The following ABI1 variants were observed in gnomAD, a reference collection of about 807,000 sequenced individuals.
ABI1 encodes the protein abl interactor 1.
In ABI1, 14 loss-of-function variants were observed where a neutral mutation model predicts 54.6. The observed-to-expected ratio is 0.26, with a 90% CI of 0.17 to 0.40. The LOEUF (loss-of-function observed/expected upper bound fraction) is 0.40. Ranked by LOEUF, ABI1 falls within the 10% of genes least tolerant of loss-of-function variation. The pLI is 1.00. For synonymous variants in ABI1, 194 were observed against 209.3 expected, an observed-to-expected ratio of 0.93 and a Z score of 0.63; for missense variants, 443 against 598.3, an observed-to-expected ratio of 0.74 and a Z score of 2.71.
At chr10:26,842,395 GTTTCC>G (rs1239565650) in intron 1 of ABI1, among the ~76,000 whole-genome samples, 2 of 152,102 alleles carry the variant, frequency 1.3e-5, no homozygotes, top group African/African-American at 4.8e-5. Context: ...TTTGTTGATT[GTTTCC>G]TTTGTTTTGA....
intron 10 of ABI1, among the ~76,000 whole-genome samples, chr10:26,750,818 T>C (rs1482734233): frequency 6.6e-6 from 1 of 152,234 alleles, no homozygotes; most frequent in Non-Finnish European, 1.5e-5. Context: ...TCCCCACCTA[T>C]ATTTCTTAAT....
intron 7 of ABI1, among the ~76,000 whole-genome samples, chr10:26,763,673 T>C (rs760750060): frequency 2.6e-5 from 4 of 152,210 alleles, no homozygotes; most frequent in Non-Finnish European, 4.4e-5. Context: ...GCATTTCATA[T>C]TATAGAAAAA....
At chr10:26,776,041 G>T (rs1267366745) in intron 3 of ABI1, among the ~76,000 whole-genome samples, 1 of 152,148 alleles carries the variant, frequency 6.6e-6, no homozygotes, top group Admixed American at 6.5e-5. Flanking sequence ...CTGAATTTCA[G>T]CTCTTATACA....
intron 1 of ABI1, among the ~76,000 whole-genome samples, chr10:26,848,657 G>A (rs2050174171): frequency 7.1e-6 from 1 of 140,888 alleles, no homozygotes. Context: ...CACCCAGGCT[G>A]GAGTGCAATG....
intron 1 of ABI1, among the ~76,000 whole-genome samples, chr10:26,850,978 A>G (rs1299754090): frequency 2.0e-5 from 3 of 152,208 alleles, no homozygotes; most frequent in Non-Finnish European, 2.9e-5. Flanking sequence ...GAGTAATAGG[A>G]AAAGCATGAA....
chr10:26,771,185 C>T (rs1388276338), intron 3 of ABI1, 96 bp from the exon 4 acceptor site: 3 of 1,332,504 alleles, frequency 2.3e-6, no homozygotes, highest in Middle Eastern at 1.8e-4. Flanking sequence ...TTACTCAATT[C>T]ATGTTAATAA....
intron 8 of ABI1, among the ~76,000 whole-genome samples, chr10:26,758,045 G>A (rs1368982965): frequency 6.5e-5 from 9 of 139,480 alleles, no homozygotes; most frequent in Non-Finnish European, 1.1e-4. Context: ...TCCAGCCTGG[G>A]CGACAAGAGT....
chr10:26,783,292 G>A (rs1488654688), intron 2 of ABI1, among the ~76,000 whole-genome samples: 1 of 152,124 alleles, frequency 6.6e-6, no homozygotes, highest in Non-Finnish European at 1.5e-5. Context: ...TGTTTGCCTG[G>A]GGGAGGAAAG....
intron 2 of ABI1, among the ~76,000 whole-genome samples, chr10:26,817,605 A>C (rs1284773314): frequency 1.3e-5 from 2 of 152,182 alleles, no homozygotes; most frequent in African/African-American, 4.8e-5. Flanking sequence ...GTTTGGAAAA[A>C]GGAAAGAAGT....
chr10:26,750,120 A>G (rs904227899), intron 10 of ABI1, among the ~76,000 whole-genome samples: 1 of 152,266 alleles, frequency 6.6e-6, no homozygotes, highest in Non-Finnish European at 1.5e-5. Flanking sequence ...CCTCGTAAGT[A>G]ACAACAGCTC....
chr10:26,824,467 C>T (rs1377525803), intron 1 of ABI1, among the ~76,000 whole-genome samples: 3 of 152,026 alleles, frequency 2.0e-5, no homozygotes, highest in African/African-American at 7.3e-5. Flanking sequence ...TGGAAACAAC[C>T]CATATAACTA....
In ABI1 at chr10:26,796,696, G is replaced by T. The variant is rs139657615; in HGVS notation, c.286-19455C>A. On this transcript the variant is annotated intron_variant, in intron 2 of 10. Transcript: ENST00000376140. ...ACAAAAGTAACTATGTGAAATGACA[G>T]ATGTGTTTATCTGCTTCACTATAGT... Among the ~76,000 whole-genome samples, 229 of 152,342 alleles carry T rather than the reference G, an allele frequency of 1.5e-3. 1 individual carries two copies. The highest frequency in any genetic ancestry group is 5.3e-3 in the African/African-American group (219 of 41,572).
intron 1 of ABI1, among the ~76,000 whole-genome samples, chr10:26,856,070 T>A (rs2050781681): frequency 2.1e-5 from 2 of 94,620 alleles, no homozygotes. Context: ...GTGGATCACC[T>A]GAGGCCAGAG....
chr10:26,820,105 C>G (rs1267177669), intron 2 of ABI1, among the ~76,000 whole-genome samples: 1 of 152,074 alleles, frequency 6.6e-6, no homozygotes, highest in Non-Finnish European at 1.5e-5. Flanking sequence ...TTCTGGAGAT[C>G]TAATGTACAG....
chr10:26,839,629 G>A (rs2049336577), intron 1 of ABI1: 3 of 618,544 alleles, frequency 4.9e-6, no homozygotes, highest in Admixed American at 5.7e-5. Context: ...TAACTGACTT[G>A]AGAAAAAGAA....
At chr10:26,796,391 A>G (rs1396815904) in intron 2 of ABI1, among the ~76,000 whole-genome samples, 1 of 152,196 alleles carries the variant, frequency 6.6e-6, no homozygotes, top group African/African-American at 2.4e-5. Context: ...CTATGTTTAG[A>G]CATGCTTGGA....
intron 2 of ABI1, among the ~76,000 whole-genome samples, chr10:26,817,569 T>C (rs2047658064): frequency 6.6e-6 from 1 of 152,074 alleles, no homozygotes; most frequent in East Asian, 1.9e-4. Flanking sequence ...GATGGAGAGT[T>C]AGTGCTTAAC....
chr10:26,857,643 C>CA (rs372472533), intron 1 of ABI1, among the ~76,000 whole-genome samples: 1,955 of 84,218 alleles, frequency 0.023, 17 homozygotes, highest in Middle Eastern at 0.037. Flanking sequence ...GACTGTGTCT[C>CA]AAAAAAAAAA....
intron 1 of ABI1, among the ~76,000 whole-genome samples, chr10:26,833,172 G>C (rs1436224937): frequency 3.3e-5 from 5 of 152,198 alleles, no homozygotes; most frequent in Admixed American, 2.0e-4. Context: ...TCTGCTGCCT[G>C]TGGTGTCACA....
Sources: gnomAD v4.1 joint callset for allele counts (sites outside exome capture counted in the v4.1 genomes callset) on GRCh38, gnomAD v4.1.1 for gene constraint, MANE v1.5 for transcripts, NCBI Gene and HGNC (gene_info 2026-07-23, HGNC 2026-07-21) for gene names.